The following CSMD1 variants were observed in gnomAD, a reference collection of about 807,000 sequenced individuals.
The protein encoded by CSMD1 is CUB and sushi domain-containing protein 1.
A neutral mutation model predicts 417.5 loss-of-function variants in CSMD1; 213 were observed. The ratio of observed to expected loss-of-function variants is 0.51; its 90% CI spans 0.46 to 0.57. CSMD1 has a LOEUF of 0.57. CSMD1 is among the 20% of genes least tolerant of loss of function. CSMD1 has a pLI of 0.00. For synonymous variants in CSMD1, 2,862 were observed against 1,736.8 expected (o/e 1.65, Z -16.11); for missense variants, 6,923 against 4,529.7 (o/e 1.53, Z -15.17).
chr8:3,363,587 G>T (rs1046174018), intron 20 of CSMD1, among the ~76,000 whole-genome samples: 58 of 152,084 alleles, frequency 3.8e-4, no homozygotes, highest in African/African-American at 1.4e-3. Flanking sequence ...GAGTGCAGTG[G>T]CGCGATCTCC....
At chr8:4,014,006 G>C (rs749741536) in intron 4 of CSMD1, among the ~76,000 whole-genome samples, 1 of 152,084 alleles carries the variant, frequency 6.6e-6, no homozygotes, top group South Asian at 2.1e-4. Context: ...ATTAACACAC[G>C]TAAATACTGA....
chr8:3,476,734 A>G (rs868449872), intron 11 of CSMD1, among the ~76,000 whole-genome samples: 35 of 152,064 alleles, frequency 2.3e-4, no homozygotes, highest in Non-Finnish European at 3.8e-4. Context: ...CCTGGCCAAC[A>G]TGATCAAACT....
chr8:4,084,491 C>A (rs1031564258), intron 3 of CSMD1, among the ~76,000 whole-genome samples: 6 of 152,120 alleles, frequency 3.9e-5, no homozygotes, highest in African/African-American at 1.2e-4. Context: ...TTTCATTAAG[C>A]CTCTAACATT....
At chr8:4,879,047 G>A (rs1803228911) in intron 1 of CSMD1, among the ~76,000 whole-genome samples, 1 of 151,920 alleles carries the variant, frequency 6.6e-6, no homozygotes, top group Admixed American at 6.6e-5. Context: ...GATTTCAAGG[G>A]TTAAGGTAGT....
intron 11 of CSMD1, among the ~76,000 whole-genome samples, chr8:3,481,578 T>C (rs1490729375): frequency 2.0e-5 from 3 of 152,160 alleles, no homozygotes; most frequent in Admixed American, 2.0e-4. Flanking sequence ...ATGAAAGATT[T>C]TGCAAATGTG....
intron 7 of CSMD1, among the ~76,000 whole-genome samples, chr8:3,668,864 G>A (rs2117508051): frequency 6.6e-6 from 1 of 152,260 alleles, no homozygotes; most frequent in South Asian, 2.1e-4. Context: ...ATATTGCTCT[G>A]GTGGCTATCA....
chr8:3,548,818 G>A (rs567772784), intron 10 of CSMD1, among the ~76,000 whole-genome samples: 49 of 152,146 alleles, frequency 3.2e-4, no homozygotes, highest in African/African-American at 1.2e-3. Context: ...CCCTTTCAGA[G>A]CAAAGCCACC....
chr8:3,612,099 T>C (rs562465515), intron 8 of CSMD1, among the ~76,000 whole-genome samples: 4 of 152,204 alleles, frequency 2.6e-5, no homozygotes, highest in African/African-American at 7.2e-5. Context: ...TATAGAAACA[T>C]ATATAACAAT....
chr8:4,813,597 G>A (rs996692844), intron 1 of CSMD1, among the ~76,000 whole-genome samples: 1 of 152,096 alleles, frequency 6.6e-6, no homozygotes, highest in East Asian at 1.9e-4. Context: ...CAAATCTCTG[G>A]CAAACATCTT....
At chr8:3,004,911 G>C (rs557477295) in intron 52 of CSMD1, among the ~76,000 whole-genome samples, 1 of 152,180 alleles carries the variant, frequency 6.6e-6, no homozygotes, top group African/African-American at 2.4e-5. Flanking sequence ...TGCTGAGGTA[G>C]GTGGATCACC....
intron 1 of CSMD1, among the ~76,000 whole-genome samples, chr8:4,961,290 T>C (rs1809464854): frequency 6.6e-6 from 1 of 152,126 alleles, no homozygotes; most frequent in African/African-American, 2.4e-5. Flanking sequence ...CATCCAAAAA[T>C]GGATCCATCC....
At chr8:4,462,478 T>C (rs527591216) in intron 2 of CSMD1, among the ~76,000 whole-genome samples, 6 of 152,110 alleles carry the variant, frequency 3.9e-5, no homozygotes, top group African/African-American at 9.7e-5. Context: ...CTTATTTGCG[T>C]ACATTAACAA....
chr8:3,454,085 T>A (rs947560035), intron 12 of CSMD1, among the ~76,000 whole-genome samples: 2 of 152,186 alleles, frequency 1.3e-5, no homozygotes, highest in African/African-American at 4.8e-5. Context: ...TTTGTCTCTT[T>A]TGATCTTTGT....
At chr8:4,931,940 A>T (rs1807276397) in intron 1 of CSMD1, among the ~76,000 whole-genome samples, 1 of 152,194 alleles carries the variant, frequency 6.6e-6, no homozygotes, top group African/African-American at 2.4e-5. Context: ...TATGTAAGAA[A>T]TTCTTGTGTA....
chr8:4,415,424 G>T (rs553649242), intron 3 of CSMD1, among the ~76,000 whole-genome samples: 1 of 151,974 alleles, frequency 6.6e-6, no homozygotes, highest in Non-Finnish European at 1.5e-5. Context: ...GGCATTTAGC[G>T]CACGTGCTTT....
intron 3 of CSMD1, among the ~76,000 whole-genome samples, chr8:4,322,789 G>C (rs762995309): frequency 1.8e-4 from 27 of 152,182 alleles, no homozygotes; most frequent in Non-Finnish European, 2.8e-4. Flanking sequence ...GACTTCAGGA[G>C]TACAAGACCA....
chr8:4,898,760 G>A (rs1307592631), intron 1 of CSMD1, among the ~76,000 whole-genome samples: 1 of 152,030 alleles, frequency 6.6e-6, no homozygotes, highest in East Asian at 1.9e-4. Context: ...TTAGTTCATC[G>A]TTGGAAGCGG....
chr8:3,625,865 G>A (rs1271820935), intron 7 of CSMD1, among the ~76,000 whole-genome samples: 3 of 151,932 alleles, frequency 2.0e-5, no homozygotes, highest in Admixed American at 6.6e-5. Flanking sequence ...TTTTCATAAG[G>A]GCTCAGATAT....
chr8:4,924,594 T>C (rs898710868), intron 1 of CSMD1, among the ~76,000 whole-genome samples: 4 of 151,812 alleles, frequency 2.6e-5, no homozygotes, highest in Admixed American at 2.6e-4. Flanking sequence ...TGGTGGCCCG[T>C]GCCTGTAATC....
Sources: allele counts gnomAD v4.1 joint callset (sites outside exome capture counted in the v4.1 genomes callset), GRCh38; gene constraint gnomAD v4.1.1; transcripts MANE v1.5; gene names NCBI Gene and HGNC (gene_info 2026-07-23, HGNC 2026-07-21).